COL23A1: variants seen among roughly 807,000 people sequenced by gnomAD.
COL23A1 encodes the protein collagen type XXIII alpha 1 chain, also known as collagen alpha-1(XXIII) chain.
A neutral mutation model predicts 99.3 loss-of-function variants in COL23A1; 97 were observed. The observed-to-expected ratio is 0.98, with a 90% CI of 0.83 to 1.16. The LOEUF is 1.16. COL23A1 is among the 50% of genes most tolerant of loss of function. The probability of loss-of-function intolerance (pLI) is 0.00; values close to 1 mark genes in which losing one functional copy is unlikely to be tolerated. For synonymous variants in COL23A1, 320 were observed against 308.2 expected (o/e 1.04, Z -0.40); for missense variants, 762 against 757.4 (o/e 1.01, Z -0.07).
chr5:178,286,282 C>G (rs1177535689), intron 5 of COL23A1, among the ~76,000 whole-genome samples: 3 of 152,170 alleles, frequency 2.0e-5, no homozygotes, highest in Non-Finnish European at 2.9e-5. Context: ...GAGCTGCCTA[C>G]ACAGAGGAAG....
intron 2 of COL23A1, among the ~76,000 whole-genome samples, chr5:178,513,249 A>G (rs1194009551): frequency 1.3e-5 from 2 of 152,210 alleles, no homozygotes; most frequent in African/African-American, 4.8e-5. Context: ...CTGCACTACC[A>G]TGCACTGTGC....
chr5:178,375,143 G>A (rs538676276), intron 2 of COL23A1, among the ~76,000 whole-genome samples: 5 of 152,288 alleles, frequency 3.3e-5, no homozygotes, highest in Non-Finnish European at 5.9e-5. Context: ...TTGAAAACAT[G>A]ATGGGAAGTG....
At chr5:178,531,343 A>G (rs1013159110) in intron 2 of COL23A1, among the ~76,000 whole-genome samples, 2 of 152,160 alleles carry the variant, frequency 1.3e-5, no homozygotes, top group Non-Finnish European at 1.5e-5. Context: ...GTGGGGTGGG[A>G]ACCCAGGTCT....
rs574290063 is a variant in COL23A1, at chr5:178,384,155, C to T, written c.362-77236G>A. ...AAATAAGGCTGGCCATCGAGAAGACCGAGAGGCAGGGTCAGGGGCGGCACT... is the reference window on the plus strand; with the variant it reads ...AAATAAGGCTGGCCATCGAGAAGACTGAGAGGCAGGGTCAGGGGCGGCACT... On this transcript the variant is annotated intron_variant, in intron 2 of 28. Transcript: ENST00000390654. This position sits in a 1 kb window ranked among gnomAD's most constrained non-coding sequence, Gnocchi z 5.5. Among the ~76,000 whole-genome samples the T allele has an allele frequency of 3.9e-5, 6 of 152,244 alleles. No individual in the cohort carries two copies. The highest frequency in any genetic ancestry group is 1.9e-4 in the East Asian group (1 of 5,166).
chr5:178,358,360 GTA>G (rs1296602779), intron 2 of COL23A1, among the ~76,000 whole-genome samples: 21 of 150,526 alleles, frequency 1.4e-4, no homozygotes, highest in African/African-American at 2.9e-4. Flanking sequence ...GTGTGTATGT[GTA>G]TGTGTACGTG....
At chr5:178,289,914 C>T (rs1046523602) in intron 4 of COL23A1, among the ~76,000 whole-genome samples, 8 of 152,232 alleles carry the variant, frequency 5.3e-5, no homozygotes, top group Admixed American at 5.2e-4. Context: ...ATTTTTTCCC[C>T]CCAAACACAT....
chr5:178,577,171 A>T (rs1284708987), intron 1 of COL23A1, among the ~76,000 whole-genome samples: 1 of 152,060 alleles, frequency 6.6e-6, no homozygotes, highest in East Asian at 1.9e-4. Flanking sequence ...CCGTCCGGGG[A>T]TCCCGCGGGT....
intron 5 of COL23A1, among the ~76,000 whole-genome samples, chr5:178,270,648 C>T (rs1756238154): frequency 6.6e-6 from 1 of 152,252 alleles, no homozygotes; most frequent in African/African-American, 2.4e-5. Flanking sequence ...CATGTGACCG[C>T]ATTCCCTCCG....
At position 178,258,262 on chromosome 5, in the gene COL23A1, T is replaced by TATATATATATATATATATATATACAC; in HGVS notation, c.730-696_730-695insGTGTATATATATATATATATATATAT. On this transcript the variant is annotated intron_variant, in intron 12 of 28. Transcript: ENST00000390654. ...ATATATATATATATATATATATATA[T>TATATATATATATATATATATATACAC]ACACATGCAAATCAATTCTAGGCAC... Among the ~76,000 whole-genome samples the TATATATATATATATATATATATACAC allele has an allele frequency of 4.7e-3, 493 of 103,896 alleles. 38 individuals are homozygous for TATATATATATATATATATATATACAC. Among genetic ancestry groups the TATATATATATATATATATATATACAC allele is most frequent in the Non-Finnish European group, 7.5e-3 (333 of 44,682 alleles). The allele number at this position is 103,896 out of a possible 152,430, so 68.2% of individuals were successfully genotyped here. A position where few individuals can be genotyped will look rare whatever the true frequency, so the allele number is the denominator to read the frequency against.
rs34447768 is a variant in COL23A1, at chr5:178,537,509, A to AGG, written c.361+23171_361+23172dup. Among the ~76,000 whole-genome samples the AGG allele has an allele frequency of 1.8e-4, 28 of 152,306 alleles. No homozygotes were observed. The East Asian group carries it at 5.0e-3, about 27-fold the overall frequency. On this transcript the variant is annotated intron_variant, in intron 2 of 28. Transcript: ENST00000390654. ...AGATGCCTGGGACTGACGGAGGACA[A>AGG]GGGGTGTCCTCAGAGGGAGTCTGTG...
intron 3 of COL23A1, among the ~76,000 whole-genome samples, chr5:178,301,770 T>G (rs893934223): frequency 7.2e-5 from 11 of 152,230 alleles, no homozygotes; most frequent in African/African-American, 2.7e-4. Flanking sequence ...GGGCTGTGTG[T>G]GCTGGAGCAC....
intron 13 of COL23A1, 135 bp downstream of exon 13, chr5:178,257,388 G>C (rs1413176798): frequency 1.9e-6 from 2 of 1,039,750 alleles, no homozygotes; most frequent in African/African-American, 3.2e-5. Context: ...GCCTTCCTCT[G>C]CCTCTCTCCG....
intron 2 of COL23A1, among the ~76,000 whole-genome samples, chr5:178,357,928 GTA>G (rs1221620920): frequency 1.1e-4 from 16 of 149,302 alleles, no homozygotes; most frequent in African/African-American, 3.5e-4. Flanking sequence ...GTGTATGTGT[GTA>G]TGTGTATGTA....
intron 2 of COL23A1, among the ~76,000 whole-genome samples, chr5:178,467,535 GC>G (rs1399130893): frequency 1.3e-5 from 2 of 152,134 alleles, no homozygotes; most frequent in East Asian, 3.9e-4. Flanking sequence ...TGTTTAGGGG[GC>G]GGTAGTCGGA....
At chr5:178,378,940 T>C (rs1022380004) in intron 2 of COL23A1, among the ~76,000 whole-genome samples, 2 of 152,120 alleles carry the variant, frequency 1.3e-5, no homozygotes, top group African/African-American at 4.8e-5. Flanking sequence ...AGCCAAGAGT[T>C]TATGTTAAAC....
At chr5:178,397,095 C>T (rs1188597885) in intron 2 of COL23A1, among the ~76,000 whole-genome samples, 1 of 152,214 alleles carries the variant, frequency 6.6e-6, no homozygotes, top group Admixed American at 6.5e-5. Flanking sequence ...TGGCTGTGCA[C>T]CCAGCCTCCA....
intron 2 of COL23A1, among the ~76,000 whole-genome samples, chr5:178,502,998 GCA>G (rs1262052987): frequency 5.3e-5 from 8 of 152,238 alleles, no homozygotes; most frequent in Non-Finnish European, 1.5e-5. Context: ...TCACAGACGA[GCA>G]CAGTCAGGAA....
chr5:178,501,494 T>A (rs761188875), intron 2 of COL23A1, among the ~76,000 whole-genome samples: 7 of 151,254 alleles, frequency 4.6e-5, no homozygotes, highest in Non-Finnish European at 8.8e-5. Context: ...GGCAGAAGAA[T>A]CGCTTAGAGC....
rs866116286 is a variant in COL23A1, at chr5:178,282,069, G to A, written c.441+6255C>T. 2.4e-3 allele frequency among the ~76,000 whole-genome samples: 165 copies of A among 67,896 alleles called. 2 individuals carry two copies. In the South Asian group the frequency reaches 0.031, roughly 13 times the overall value. The allele number at this position is 67,896 out of a possible 152,430, so 44.5% of individuals were successfully genotyped here. A position where few individuals can be genotyped will look rare whatever the true frequency, so the allele number is the denominator to read the frequency against. On this transcript the variant is annotated intron_variant, in intron 5 of 28. Coordinates refer to ENST00000390654, the MANE Select transcript of COL23A1 (RefSeq NM_173465.4). Reference sequence around the variant, plus strand: ...ACTGTCTCCAAAAAAAAAAAAAAAAGATGGGGTTTTGCCATATTGCCCAGG... The same window carrying A: ...ACTGTCTCCAAAAAAAAAAAAAAAAAATGGGGTTTTGCCATATTGCCCAGG...
Sources: allele counts gnomAD v4.1 joint callset (sites outside exome capture counted in the v4.1 genomes callset), GRCh38; gene constraint gnomAD v4.1.1; non-coding constraint Gnocchi (gnomAD v3.1); transcripts MANE v1.5; gene names NCBI Gene and HGNC (gene_info 2026-07-23, HGNC 2026-07-21).